ELP4: variants seen among roughly 807,000 people sequenced by gnomAD.
ELP4 encodes the protein elongator complex protein 4.
A neutral mutation model predicts 48.9 loss-of-function variants in ELP4; 51 were observed. The observed-to-expected ratio is 1.04, with a 90% CI of 0.83 to 1.32. ELP4 has a LOEUF of 1.32. Among genes scored for constraint, ELP4 ranks in the 40% most tolerant of loss-of-function variants. ELP4 has a pLI of 0.00. For missense variants in ELP4, 519 were observed against 514.6 expected (o/e 1.01, Z -0.08); for synonymous variants, 210 against 189.2 (o/e 1.11, Z -0.90).
chr11:31,783,460 C>G lies in ELP4; in HGVS notation c.1211C>G (p.Ser404Cys). 2.5e-6 allele frequency: 4 copies of G among 1,614,162 alleles called. No homozygotes were observed. Among genetic ancestry groups the G allele is most frequent in the Non-Finnish European group, 2.5e-6 (3 of 1,179,984 alleles). The change falls in exon 10 of 10, where the codon TCC becomes TGC. Residue 404 changes from serine to cysteine, a missense_variant. Ser to Cys is a moderately radical substitution (Grantham distance 112). Transcript: ENST00000640961. Reference sequence around the variant, plus strand: ...TCAAGCAAAATGGATCTGGCAGAATCCGCCAAGCGGCTGGGCCCAGGCTGT... The same window carrying G: ...TCAAGCAAAATGGATCTGGCAGAATGCGCCAAGCGGCTGGGCCCAGGCTGT... ...SRSSKMDLAE[S>C]AKRLGPGCGM...
intron 1 of ELP4, among the ~76,000 whole-genome samples, chr11:31,518,778 C>T (rs1470149422): frequency 6.6e-6 from 1 of 150,538 alleles, no homozygotes; most frequent in East Asian, 2.0e-4. Context: ...TGCCTGTAAT[C>T]CCAGCTACTT....
At chr11:31,776,633 A>G (rs1565150263) in intron 9 of ELP4, among the ~76,000 whole-genome samples, 1 of 152,222 alleles carries the variant, frequency 6.6e-6, no homozygotes, top group Non-Finnish European at 1.5e-5. Flanking sequence ...TTTGGAGGCA[A>G]GACAATACTG....
At chr11:31,528,600 T>C (rs1956337795) in intron 2 of ELP4, among the ~76,000 whole-genome samples, 1 of 152,164 alleles carries the variant, frequency 6.6e-6, no homozygotes, top group South Asian at 2.1e-4. Context: ...AATAGGTACC[T>C]CTTAAGAAAG....
At chr11:31,648,273 C>T (rs1280022130) in intron 8 of ELP4, 1 of 151,926 alleles carries the variant, frequency 6.6e-6, no homozygotes, top group African/African-American at 2.4e-5. Context: ...TAGTCAGTTA[C>T]ATTTTCAGAA....
chr11:31,611,481 G>A (rs565901049), intron 5 of ELP4, among the ~76,000 whole-genome samples: 3 of 151,998 alleles, frequency 2.0e-5, no homozygotes, highest in Non-Finnish European at 4.4e-5. Context: ...TAATCTGATC[G>A]CTATCTCTCT....
intron 2 of ELP4, among the ~76,000 whole-genome samples, chr11:31,520,742 G>C (rs760439306): frequency 6.6e-6 from 1 of 151,818 alleles, no homozygotes; most frequent in African/African-American, 2.4e-5. Context: ...AGTTTTTCAC[G>C]TGACACCCTT....
intron 2 of ELP4, among the ~76,000 whole-genome samples, chr11:31,537,994 TATATCTCTCC>T (rs1038423336): frequency 6.6e-6 from 1 of 152,178 alleles, no homozygotes; most frequent in Non-Finnish European, 1.5e-5. Flanking sequence ...ATGAACATGA[TATATCTCTCC>T]ATTTATTTAG....
chr11:31,519,997 T>C, intron 1 of ELP4, 59 bp from the exon 2 acceptor site: 1 of 1,560,902 alleles, frequency 6.4e-7, no homozygotes, highest in Non-Finnish European at 8.8e-7. Flanking sequence ...GCCTAACTTT[T>C]ATGCTAAAGG....
intron 9 of ELP4, among the ~76,000 whole-genome samples, chr11:31,724,367 A>G (rs1386032989): frequency 6.6e-6 from 1 of 152,254 alleles, no homozygotes; most frequent in Non-Finnish European, 1.5e-5. Context: ...TTTTCATTTT[A>G]ATCATAGTTG....
rs1948528069 is a variant in ELP4, at chr11:31,785,290, AC to A, written c.*1768del. 4 of 182,888 alleles carry A rather than the reference AC, an allele frequency of 2.2e-5. No individual in the cohort carries two copies. In the South Asian group the frequency reaches 7.9e-4, roughly 36 times the overall value. The allele number at this position is 182,888 out of a possible 1,614,324, so 11.3% of individuals were successfully genotyped here. Reference sequence around the variant, plus strand: ...TTTTAATAACTCTAACCTTTTTCTTACCGTGTTGATTCATTTTATACAACAC... The same window carrying A: ...TTTTAATAACTCTAACCTTTTTCTTACGTGTTGATTCATTTTATACAACAC... On this transcript the variant is annotated 3_prime_UTR_variant, in exon 10 of 10. Coordinates refer to ENST00000640961, the MANE Select transcript of ELP4 (RefSeq NM_019040.5).
intron 9 of ELP4, among the ~76,000 whole-genome samples, chr11:31,769,623 T>C (rs1948098595): frequency 1.3e-5 from 2 of 152,194 alleles, no homozygotes; most frequent in Admixed American, 1.3e-4. Flanking sequence ...TCTTAAAATC[T>C]CTGGATCAAC....
At chr11:31,644,082 T>G (rs1945153274) in intron 7 of ELP4, among the ~76,000 whole-genome samples, 1 of 151,724 alleles carries the variant, frequency 6.6e-6, no homozygotes, top group Non-Finnish European at 1.5e-5. Flanking sequence ...TTGGCTACTA[T>G]CCAGAGCTGA....
At chr11:31,634,762 T>G (rs117647150) in intron 7 of ELP4, among the ~76,000 whole-genome samples, 5 of 152,056 alleles carry the variant, frequency 3.3e-5, no homozygotes, top group Non-Finnish European at 5.9e-5. Flanking sequence ...AATTTATGCT[T>G]CTTAACATAG....
intron 1 of ELP4, among the ~76,000 whole-genome samples, chr11:31,514,094 G>C (rs1956061611): frequency 6.6e-6 from 1 of 152,118 alleles, no homozygotes; most frequent in South Asian, 2.1e-4. Flanking sequence ...TGTACATAAA[G>C]TACTCTACTT....
intron 3 of ELP4, among the ~76,000 whole-genome samples, chr11:31,585,013 T>A (rs984138662): frequency 6.6e-6 from 1 of 152,172 alleles, no homozygotes; most frequent in Admixed American, 6.5e-5. Context: ...AATTACTACA[T>A]TTTAGGTATT....
At chr11:31,641,548 T>C (rs558541959) in intron 7 of ELP4, among the ~76,000 whole-genome samples, 1 of 151,970 alleles carries the variant, frequency 6.6e-6, no homozygotes, top group African/African-American at 2.4e-5. Context: ...CACCCTGAGT[T>C]TGAAAATGCG....
intron 9 of ELP4, among the ~76,000 whole-genome samples, chr11:31,743,223 A>G (rs1451544647): frequency 6.6e-6 from 1 of 152,252 alleles, no homozygotes; most frequent in Non-Finnish European, 1.5e-5. Context: ...TGTTCCCAAT[A>G]CAGGAGCACC....
At chr11:31,553,961 C>T (rs572473503) in intron 3 of ELP4, among the ~76,000 whole-genome samples, 2 of 152,282 alleles carry the variant, frequency 1.3e-5, no homozygotes, top group Non-Finnish European at 2.9e-5. Flanking sequence ...CTGAGCTCTA[C>T]CTCCTGTCAA....
At chr11:31,770,252 C>T (rs978966975) in intron 9 of ELP4, among the ~76,000 whole-genome samples, 1 of 152,104 alleles carries the variant, frequency 6.6e-6, no homozygotes, top group African/African-American at 2.4e-5. Context: ...CAGTGAGAAA[C>T]CCAGCTACAC....
Sources: gnomAD v4.1 joint callset for allele counts (sites outside exome capture counted in the v4.1 genomes callset) on GRCh38, gnomAD v4.1.1 for gene constraint, MANE v1.5 for transcripts, NCBI Gene and HGNC (gene_info 2026-07-23, HGNC 2026-07-21) for gene names.